GABRA2: variants seen among roughly 807,000 people sequenced by gnomAD.
The protein encoded by GABRA2 is gamma-aminobutyric acid type A receptor subunit alpha2, also known as gamma-aminobutyric acid receptor subunit alpha-2.
GABRA2 carries 16 observed loss-of-function variants against 48.7 expected under a neutral mutation model. The ratio of observed to expected loss-of-function variants is 0.33; its 90% CI spans 0.22 to 0.50. GABRA2 has a LOEUF of 0.50. Among genes scored for constraint, GABRA2 ranks in the 20% least tolerant of loss-of-function variants. GABRA2 has a pLI of 0.98. For synonymous variants in GABRA2, 185 were observed against 184.5 expected (o/e 1.00, Z -0.02); for missense variants, 275 against 535.6 (o/e 0.51, Z 4.80).
chr4:46,250,021 T>G lies in GABRA2; in HGVS notation c.*287A>C. The G allele has an allele frequency of 3.5e-6, 1 of 287,876 alleles. No homozygotes were observed. The highest frequency in any genetic ancestry group is 6.5e-6 in the Non-Finnish European group (1 of 153,682). The allele number at this position is 287,876 out of a possible 1,614,324, so 17.8% of individuals were successfully genotyped here. ...TACAGGATCCCCATTTTCATCTCAT[T>G]TGGAAGAATAGGAAATTAATCAGGT... On this transcript the variant is annotated 3_prime_UTR_variant, in exon 10 of 10. Coordinates refer to ENST00000381620, the MANE Select transcript of GABRA2 (RefSeq NM_000807.4).
intron 9 of GABRA2, 74 bp downstream of exon 9, chr4:46,261,852 A>G (rs1334680094): frequency 1.7e-6 from 2 of 1,151,250 alleles, no homozygotes; most frequent in Admixed American, 1.8e-5. Flanking sequence ...GTCAGTTTTT[A>G]GAAACATATC....
chr4:46,296,481 G>T (rs1349042428), intron 8 of GABRA2, among the ~76,000 whole-genome samples: 1 of 152,018 alleles, frequency 6.6e-6, no homozygotes, highest in African/African-American at 2.4e-5. Context: ...TCAGTCTACT[G>T]CTCCATAGTA....
At chr4:46,358,173 C>A (rs774616633) in intron 3 of GABRA2, among the ~76,000 whole-genome samples, 23 of 152,082 alleles carry the variant, frequency 1.5e-4, no homozygotes, top group Non-Finnish European at 3.2e-4. Context: ...CCAGCTCTAA[C>A]CAAACAACTT....
intron 3 of GABRA2, among the ~76,000 whole-genome samples, chr4:46,359,601 CAAGA>C (rs1412636013): frequency 6.6e-6 from 1 of 152,000 alleles, no homozygotes; most frequent in African/African-American, 2.4e-5. Context: ...TAATTACCTT[CAAGA>C]GAGAAGGTAA....
At chr4:46,377,069 T>A (rs2109334346) in intron 3 of GABRA2, among the ~76,000 whole-genome samples, 1 of 152,170 alleles carries the variant, frequency 6.6e-6, no homozygotes, top group South Asian at 2.1e-4. Context: ...TGCAGTGGCG[T>A]GATCTCGGCT....
chr4:46,300,849 T>C (rs1055456389), intron 8 of GABRA2, among the ~76,000 whole-genome samples: 2 of 152,132 alleles, frequency 1.3e-5, no homozygotes, highest in African/African-American at 2.4e-5. Context: ...TTTTATACTG[T>C]CTTCTTTTAA....
chr4:46,336,417 T>C (rs776126402), intron 3 of GABRA2, among the ~76,000 whole-genome samples: 20 of 152,104 alleles, frequency 1.3e-4, no homozygotes, highest in Admixed American at 6.6e-4. Flanking sequence ...CAAACCAAAA[T>C]TGAAGTCTGA....
chr4:46,313,306 C>T (rs1727995852), intron 4 of GABRA2, among the ~76,000 whole-genome samples: 1 of 151,704 alleles, frequency 6.6e-6, no homozygotes, highest in African/African-American at 2.4e-5. Context: ...TGTAAATTAT[C>T]ATATTTATTT....
At chr4:46,260,603 C>CA (rs1282166960) in intron 9 of GABRA2, among the ~76,000 whole-genome samples, 3 of 151,624 alleles carry the variant, frequency 2.0e-5, no homozygotes, top group Admixed American at 6.6e-5. Flanking sequence ...ATTTTATCTC[C>CA]AAAAAATTAG....
intron 3 of GABRA2, among the ~76,000 whole-genome samples, chr4:46,385,457 T>C (rs920809926): frequency 1.3e-5 from 2 of 152,038 alleles, no homozygotes; most frequent in African/African-American, 4.8e-5. Flanking sequence ...ATTTTATTTT[T>C]CTGAATAAAA....
At chr4:46,336,592 G>A (rs1262562832) in intron 3 of GABRA2, among the ~76,000 whole-genome samples, 1 of 152,242 alleles carries the variant, frequency 6.6e-6, no homozygotes, top group East Asian at 1.9e-4. Flanking sequence ...GATTTCTCCA[G>A]AGGCAAAATA....
chr4:46,381,639 G>T (rs747022368), intron 3 of GABRA2, among the ~76,000 whole-genome samples: 1 of 151,984 alleles, frequency 6.6e-6, no homozygotes, highest in Non-Finnish European at 1.5e-5. Context: ...CAATGTACTT[G>T]AGCCATATAC....
At chr4:46,368,340 C>T (rs1714368892) in intron 3 of GABRA2, 1 of 152,112 alleles carries the variant, frequency 6.6e-6, no homozygotes, top group African/African-American at 2.4e-5. Context: ...GCTAGCTAGA[C>T]TCATCTGGTA....
rs1320805757 is a variant in GABRA2, at chr4:46,257,968, A to G, written c.1059+3958T>C. ...CTAGGTATGGGCAGTGGAAAGATATAAAATCTATTTTATTTTATCCTTTCT... is the reference window on the plus strand; with the variant it reads ...CTAGGTATGGGCAGTGGAAAGATATGAAATCTATTTTATTTTATCCTTTCT... On this transcript the variant is annotated intron_variant, in intron 9 of 9. Transcript: ENST00000381620. 2.6e-5 allele frequency among the ~76,000 whole-genome samples: 4 copies of G among 151,896 alleles called. No homozygotes were observed. In the East Asian group the frequency reaches 7.8e-4, roughly 29 times the overall value.
intron 8 of GABRA2, among the ~76,000 whole-genome samples, chr4:46,287,375 G>C (rs192224946): frequency 1.3e-5 from 2 of 152,066 alleles, no homozygotes; most frequent in African/African-American, 4.8e-5. Flanking sequence ...CATGCTCATG[G>C]ATAAGAATGT....
At chr4:46,367,063 A>C (rs1401657519) in intron 3 of GABRA2, 6 of 152,038 alleles carry the variant, frequency 3.9e-5, no homozygotes, top group Admixed American at 3.9e-4. Flanking sequence ...GAATTAGTCC[A>C]TTTCACTATA....
chr4:46,332,553 T>C, intron 4 of GABRA2, 62 bp downstream of exon 4: 2 of 943,312 alleles, frequency 2.1e-6, no homozygotes, highest in Non-Finnish European at 1.7e-6. Context: ...TGCTAGTTTA[T>C]TTGAAATTAC....
At chr4:46,254,052 T>A (rs1002133013) in intron 9 of GABRA2, among the ~76,000 whole-genome samples, 1 of 151,492 alleles carries the variant, frequency 6.6e-6, no homozygotes, top group African/African-American at 2.4e-5. Context: ...ACATAATATA[T>A]ATTATTAATA....
At chr4:46,285,571 A>G (rs1450839973) in intron 8 of GABRA2, among the ~76,000 whole-genome samples, 5 of 152,090 alleles carry the variant, frequency 3.3e-5, no homozygotes, top group Admixed American at 6.5e-5. Context: ...TGCAGTATTT[A>G]ATTTTCCTTA....
Sources: gnomAD v4.1 joint callset for allele counts (sites outside exome capture counted in the v4.1 genomes callset) on GRCh38, gnomAD v4.1.1 for gene constraint, MANE v1.5 for transcripts, NCBI Gene and HGNC (gene_info 2026-07-23, HGNC 2026-07-21) for gene names.